PLSCR2: variants seen among roughly 807,000 people sequenced by gnomAD.
PLSCR2 encodes phospholipid scramblase 2.
Under a neutral mutation model 25.3 loss-of-function variants are expected in PLSCR2, and 18 were observed. The ratio of observed to expected loss-of-function variants is 0.71; its 90% confidence interval spans 0.49 to 1.06. PLSCR2 has a LOEUF of 1.06. Among genes scored for constraint, PLSCR2 ranks in the 50% least tolerant of loss-of-function variants. The pLI is 0.00. For missense variants in PLSCR2, 243 were observed against 269.5 expected (o/e 0.90, Z 0.69); for synonymous variants, 88 against 87.3 (o/e 1.01, Z -0.04).
At chr3:146,452,912 CAT>C (rs112635344) in intron 5 of PLSCR2, among the ~76,000 whole-genome samples, 44 of 151,940 alleles carry the variant, frequency 2.9e-4, no homozygotes, top group African/African-American at 8.9e-4. Flanking sequence ...TACCCACACA[CAT>C]GTGTATATAT....
chr3:146,477,990 A>C (rs1433419393), intron 1 of PLSCR2, among the ~76,000 whole-genome samples: 4 of 152,134 alleles, frequency 2.6e-5, no homozygotes, highest in African/African-American at 9.7e-5. Context: ...CCTCCAGCAA[A>C]CTCCAACAGA....
intron 2 of PLSCR2, among the ~76,000 whole-genome samples, chr3:146,408,485 G>A (rs1358435412): frequency 3.3e-5 from 5 of 151,798 alleles, no homozygotes; most frequent in Non-Finnish European, 5.9e-5. Context: ...CTTTATCAGC[G>A]GCCTTTTCAG....
intron 2 of PLSCR2, among the ~76,000 whole-genome samples, chr3:146,408,253 T>G (rs1293838113): frequency 2.0e-5 from 3 of 152,152 alleles, no homozygotes; most frequent in African/African-American, 7.2e-5. Context: ...TCTAGGGTCT[T>G]AAAGTCTGGA....
chr3:146,428,026 A>C (rs1282985855), intron 2 of PLSCR2, among the ~76,000 whole-genome samples: 3 of 152,160 alleles, frequency 2.0e-5, no homozygotes, highest in African/African-American at 4.8e-5. Context: ...CACACACACA[A>C]AAATTAGATT....
At chr3:146,400,972 A>G (rs1386410042) in intron 2 of PLSCR2, among the ~76,000 whole-genome samples, 1 of 152,018 alleles carries the variant, frequency 6.6e-6, no homozygotes, top group Non-Finnish European at 1.5e-5. Flanking sequence ...GAAAAAATGG[A>G]TCTCAACACT....
chr3:146,411,461 G>A (rs747921829), intron 2 of PLSCR2, among the ~76,000 whole-genome samples: 33 of 152,286 alleles, frequency 2.2e-4, no homozygotes, highest in Non-Finnish European at 4.4e-4. Flanking sequence ...TAGTCAATCC[G>A]CTCTCCTCCG....
Position 146,458,406 on chromosome 3 carries a change from C to A in PLSCR2, c.100+5G>T. 6.6e-7 allele frequency: 1 copy of A among 1,504,436 alleles called. No individual in the cohort carries two copies. Among genetic ancestry groups the A allele is most frequent in the Non-Finnish European group, 9.0e-7 (1 of 1,107,002 alleles). 93.2% of individuals were successfully genotyped at this position (1,504,436 alleles called of 1,614,324 possible). On this transcript the variant is annotated splice_donor_5th_base_variant and intron_variant, in intron 3 of 6. Transcript: ENST00000610787. Reference sequence around the variant, plus strand: ...AGAACTATGAGCAATACAATTAATACATACCTTCCAGAAGTTCAATTTGCT... The same window carrying A: ...AGAACTATGAGCAATACAATTAATAAATACCTTCCAGAAGTTCAATTTGCT...
At chr3:146,397,898 T>G (rs2038326501) in intron 2 of PLSCR2, among the ~76,000 whole-genome samples, 1 of 152,020 alleles carries the variant, frequency 6.6e-6, no homozygotes, top group African/African-American at 2.4e-5. Flanking sequence ...TATATTTTAC[T>G]TAATCAGTAT....
At chr3:146,402,592 C>A (rs979374457) in intron 2 of PLSCR2, among the ~76,000 whole-genome samples, 1 of 152,090 alleles carries the variant, frequency 6.6e-6, no homozygotes, top group South Asian at 2.1e-4. Flanking sequence ...CTCAGCCTCC[C>A]GAGTAGCCAA....
At chr3:146,428,070 C>A (rs1275696496) in intron 2 of PLSCR2, among the ~76,000 whole-genome samples, 1 of 152,170 alleles carries the variant, frequency 6.6e-6, no homozygotes, top group African/African-American at 2.4e-5. Context: ...AAATGCACTT[C>A]TGCCTGTGAT....
intron 2 of PLSCR2, among the ~76,000 whole-genome samples, chr3:146,417,091 G>T (rs776014456): frequency 2.0e-5 from 3 of 152,094 alleles, no homozygotes; most frequent in African/African-American, 2.4e-5. Flanking sequence ...AACAAAATTA[G>T]AATGCATCTC....
intron 6 of PLSCR2, among the ~76,000 whole-genome samples, chr3:146,443,773 A>T (rs553516276): frequency 1.4e-4 from 21 of 151,408 alleles, no homozygotes; most frequent in African/African-American, 4.1e-4. Context: ...TTTGCTCTGA[A>T]CTTTATTATT....
intron 2 of PLSCR2, among the ~76,000 whole-genome samples, chr3:146,411,016 G>A (rs2038829622): frequency 6.6e-6 from 1 of 152,130 alleles, no homozygotes; most frequent in South Asian, 2.1e-4. Flanking sequence ...ACAAACTGGA[G>A]GATAAGTGCA....
At chr3:146,393,229 C>T (rs949371336) in intron 3 of PLSCR2, among the ~76,000 whole-genome samples, 5 of 151,392 alleles carry the variant, frequency 3.3e-5, no homozygotes, top group African/African-American at 4.8e-5. Context: ...AGGGTTTCAC[C>T]GTGTTAGTCA....
downstream of PLSCR2, among the ~76,000 whole-genome samples, chr3:146,431,482 A>T (rs1285902834): frequency 6.6e-6 from 1 of 152,108 alleles, no homozygotes; most frequent in East Asian, 1.9e-4. Flanking sequence ...GTTGGCCAAG[A>T]CCCTACAGTT....
At position 146,488,794 on chromosome 3, in the gene PLSCR2, C is replaced by A. The variant is rs190282659; in HGVS notation, c.-293+7101G>T. Among the ~76,000 whole-genome samples, 3 of 152,076 alleles carry A rather than the reference C, an allele frequency of 2.0e-5. No homozygotes were observed. The East Asian group carries it at 5.8e-4, about 29-fold the overall frequency. ...AGGATCTGGAACCAGAAATACCATT[C>A]GACCCACCTATCCCATTACTGGGTA... On this transcript the variant is annotated intron_variant, in intron 1 of 8. Coordinates refer to the PLSCR2 transcript ENST00000336685.
intron 2 of PLSCR2, among the ~76,000 whole-genome samples, chr3:146,406,632 A>T (rs2108020646): frequency 6.6e-6 from 1 of 152,308 alleles, no homozygotes; most frequent in East Asian, 1.9e-4. Flanking sequence ...ACTTAGGTGC[A>T]GTTTTAAAGG....
At chr3:146,450,425 T>A (rs1481739432) in intron 5 of PLSCR2, among the ~76,000 whole-genome samples, 1 of 152,260 alleles carries the variant, frequency 6.6e-6, no homozygotes, top group Non-Finnish European at 1.5e-5. Flanking sequence ...GTGATTGCTA[T>A]GGATTATTCT....
At chr3:146,471,399 AT>A (rs1271056792) in intron 1 of PLSCR2, among the ~76,000 whole-genome samples, 1 of 151,988 alleles carries the variant, frequency 6.6e-6, no homozygotes, top group South Asian at 2.1e-4. Flanking sequence ...TGTTAATGAG[AT>A]TGAGGACTTT....
Sources: gnomAD v4.1 joint callset for allele counts (sites outside exome capture counted in the v4.1 genomes callset) on GRCh38, gnomAD v4.1.1 for gene constraint, MANE v1.5 for transcripts, NCBI Gene and HGNC (gene_info 2026-07-23, HGNC 2026-07-21) for gene names.